Variants in COPB1 observed in about 807,000 individuals in gnomAD.
COPB1 encodes the protein coatomer subunit beta.
Under a neutral mutation model 108.7 loss-of-function variants are expected in COPB1, and 21 were observed. That is an observed-to-expected ratio of 0.19 (90% CI 0.14 to 0.28). The LOEUF is 0.28. COPB1 is among the 10% of genes least tolerant of loss of function. COPB1 has a pLI of 1.00. For synonymous variants in COPB1, 378 were observed against 386.8 expected, an observed-to-expected ratio of 0.98 and a Z score of 0.27; for missense variants, 919 against 1,141.3, an observed-to-expected ratio of 0.81 and a Z score of 2.81.
At chr11:14,496,600 T>A (rs1363531935) in intron 2 of COPB1, among the ~76,000 whole-genome samples, 1 of 151,540 alleles carries the variant, frequency 6.6e-6, no homozygotes, top group Non-Finnish European at 1.5e-5. Context: ...ATTAGAAGAA[T>A]CAGTATTGTT....
chr11:14,499,239 C>T (rs1851095705), intron 1 of COPB1, among the ~76,000 whole-genome samples: 1 of 152,070 alleles, frequency 6.6e-6, no homozygotes, highest in African/African-American at 2.4e-5. Context: ...CAGTGACAGT[C>T]CCCCCAGCCA....
Position 14,487,692 on chromosome 11 carries a change from C to A in COPB1, c.699+800G>T, listed in dbSNP as rs2575856. 6.4e-3 allele frequency among the ~76,000 whole-genome samples: 913 copies of A among 142,940 alleles called. 7 individuals are homozygous for A. The highest frequency in any genetic ancestry group is 0.021 in the African/African-American group (834 of 39,236). 93.8% of individuals were successfully genotyped at this position (142,940 alleles called of 152,430 possible). A position where few individuals can be genotyped will look rare whatever the true frequency, so the allele number is the denominator to read the frequency against. ...TCTGCCCAAAAAAAACAAAAAACAACAAAAAAAAAACAAAAAAAAACTGTA... is the reference window on the plus strand; with the variant it reads ...TCTGCCCAAAAAAAACAAAAAACAAAAAAAAAAAAACAAAAAAAAACTGTA... On this transcript the variant is annotated intron_variant, in intron 6 of 21. Coordinates refer to ENST00000439561, the MANE Select transcript of COPB1 (RefSeq NM_001144061.2).
chr11:14,463,914 T>C (rs922025191), intron 18 of COPB1, among the ~76,000 whole-genome samples: 12 of 152,196 alleles, frequency 7.9e-5, no homozygotes, highest in Admixed American at 7.9e-4. Flanking sequence ...TCCTCTGCCA[T>C]CTCTCACTTG....
At chr11:14,493,609 A>C in intron 4 of COPB1, 33 bp downstream of exon 4, 1 of 1,558,426 alleles carries the variant, frequency 6.4e-7, no homozygotes, top group Non-Finnish European at 8.7e-7. Context: ...AACAGTACTC[A>C]CAGAATGAAG....
Position 14,476,989 on chromosome 11 carries a change from A to C in COPB1, c.1385T>G (p.Leu462Arg). The C allele has an allele frequency of 6.2e-7, 1 of 1,611,276 alleles. No individual in the cohort carries two copies. The highest frequency in any genetic ancestry group is 8.5e-7 in the Non-Finnish European group (1 of 1,177,446). ...VKIYRGALWILGEYCSTKEDI... is the reference protein window; with the variant it reads ...VKIYRGALWIRGEYCSTKEDI... ...TTCCTTGGTACTACAGTATTCTCCCAGGATCCATAATGCTCCTCGGTAAAT... is the reference window on the plus strand; with the variant it reads ...TTCCTTGGTACTACAGTATTCTCCCCGGATCCATAATGCTCCTCGGTAAAT... Residue 462 changes from leucine (L) to arginine (R), a missense_variant, in exon 12 of 22, where the codon CTG becomes CGG. Physicochemically the swap from Leu to Arg is moderately radical, Grantham distance 102. Transcript: ENST00000439561.
chr11:14,494,022 C>T (rs746159469), intron 3 of COPB1, among the ~76,000 whole-genome samples, 188 bp downstream of exon 3: 1 of 152,090 alleles, frequency 6.6e-6, no homozygotes, highest in South Asian at 2.1e-4. Flanking sequence ...AATATATACA[C>T]ATAAAATGCA....
chr11:14,498,146 G>A (rs1317694473), intron 2 of COPB1, among the ~76,000 whole-genome samples: 2 of 152,090 alleles, frequency 1.3e-5, no homozygotes, highest in Non-Finnish European at 2.9e-5. Context: ...TAATTTAATT[G>A]GACATTTAAA....
intron 2 of COPB1, among the ~76,000 whole-genome samples, chr11:14,497,163 G>C (rs1851041331): frequency 6.6e-6 from 1 of 152,112 alleles, no homozygotes; most frequent in Non-Finnish European, 1.5e-5. Flanking sequence ...CACAGGCACA[G>C]GCAACCAAAG....
chr11:14,459,274 A>C (rs1353068178), intron 20 of COPB1, among the ~76,000 whole-genome samples: 2 of 152,134 alleles, frequency 1.3e-5, no homozygotes, highest in African/African-American at 2.4e-5. Context: ...ACTGCCTCCC[A>C]TATCAGACCT....
At chr11:14,492,958 C>T (rs894634279) in intron 4 of COPB1, among the ~76,000 whole-genome samples, 10 of 151,966 alleles carry the variant, frequency 6.6e-5, no homozygotes, top group Non-Finnish European at 1.2e-4. Flanking sequence ...CCAGCCTGGC[C>T]AACATGGTGA....
At chr11:14,489,409 C>T (rs1160274313) in intron 5 of COPB1, among the ~76,000 whole-genome samples, 1 of 152,212 alleles carries the variant, frequency 6.6e-6, no homozygotes, top group Non-Finnish European at 1.5e-5. Context: ...AAGTCTCAAA[C>T]AGATACGTGT....
Position 14,481,114 on chromosome 11 carries a change from A to T in COPB1, c.958-17T>A. ...AACCAGATCCTAAAAAAGAAGAAAA[A>T]ATCAAGAATTAACACCAATCTTTCT... On this transcript the variant is annotated splice_polypyrimidine_tract_variant and intron_variant, in intron 8 of 21. Transcript: ENST00000439561. The T allele has an allele frequency of 1.9e-6, 3 of 1,582,430 alleles. No homozygotes were observed. The highest frequency in any genetic ancestry group is 2.6e-6 in the Non-Finnish European group (3 of 1,160,216).
chr11:14,469,593 AT>A (rs1850359949), intron 14 of COPB1, 30 bp from the exon 15 acceptor site: 1 of 1,549,860 alleles, frequency 6.5e-7, no homozygotes, highest in Non-Finnish European at 8.9e-7. Flanking sequence ...GGTTACTGAT[AT>A]TGTCTTGATT....
intron 5 of COPB1, among the ~76,000 whole-genome samples, chr11:14,489,258 C>G (rs547711109): frequency 5.9e-5 from 9 of 152,262 alleles, no homozygotes; most frequent in African/African-American, 2.2e-4. Context: ...AAAATGGAAC[C>G]CTTGTGCACT....
intron 16 of COPB1, among the ~76,000 whole-genome samples, chr11:14,467,641 T>C (rs1850312949): frequency 6.6e-6 from 1 of 152,198 alleles, no homozygotes; most frequent in South Asian, 2.1e-4. Flanking sequence ...GCAATGCACA[T>C]ATCCAGGGAT....
intron 7 of COPB1, among the ~76,000 whole-genome samples, chr11:14,483,816 G>A (rs896462913): frequency 6.6e-6 from 1 of 152,110 alleles, no homozygotes; most frequent in Non-Finnish European, 1.5e-5. Flanking sequence ...GAATACCAAA[G>A]CAATAATTGT....
intron 4 of COPB1, among the ~76,000 whole-genome samples, chr11:14,491,866 G>A (rs2134126192): frequency 6.6e-6 from 1 of 152,208 alleles, no homozygotes; most frequent in Non-Finnish European, 1.5e-5. Flanking sequence ...TACATTAAGA[G>A]GAAAAACATA....
rs1212303162 is a variant in COPB1, at chr11:14,461,228, T to A, written c.2514A>T (p.Ala838=). The change falls in exon 19 of 22, where the codon GCA becomes GCT. Residue 838 remains alanine, a synonymous_variant. Coordinates refer to ENST00000439561, the MANE Select transcript of COPB1 (RefSeq NM_001144061.2). ...ATTCGGCCCACATCTGACGGAATTC[T>A]GCATCAGTGCAAGTTGCAGGCTGGA... ...DYIQPATCTD[A]EFRQMWAEFE... 6.2e-7 allele frequency: 1 copy of A among 1,614,196 alleles called. No homozygotes were observed. The highest frequency in any genetic ancestry group is 1.3e-5 in the African/African-American group (1 of 75,060).
At chr11:14,474,449 C>T in intron 14 of COPB1, 46 bp downstream of exon 14, 1 of 1,563,702 alleles carries the variant, frequency 6.4e-7, no homozygotes, top group Non-Finnish European at 8.8e-7. Context: ...ATATAGTAGG[C>T]ACTCAATGTT....
Sources: allele counts gnomAD v4.1 joint callset (sites outside exome capture counted in the v4.1 genomes callset), GRCh38; gene constraint gnomAD v4.1.1; transcripts MANE v1.5; gene names NCBI Gene and HGNC (gene_info 2026-07-23, HGNC 2026-07-21).